Variants in URI1 observed in about 807,000 individuals in gnomAD.
URI1 encodes URI1 prefoldin like chaperone.
Under a neutral mutation model 60.2 loss-of-function variants are expected in URI1, and 39 were observed. The ratio of observed to expected loss-of-function variants is 0.65; its 90% CI spans 0.50 to 0.85. The LOEUF is 0.85. Ranked by LOEUF, URI1 falls within the 40% of genes least tolerant of loss-of-function variation. The pLI, the probability that URI1 is intolerant of heterozygous loss-of-function variation, is 0.00. For synonymous variants in URI1, 251 were observed against 236.8 expected (o/e 1.06, Z -0.55); for missense variants, 691 against 665.9 (o/e 1.04, Z -0.42).
In URI1 at chr19:29,956,979, TG is replaced by T. The variant is rs2055256751; in HGVS notation, c.118-14212del. ...ATGTCAACAGTCTGATTGCTGAGAA[TG>T]GTCTTCATTCTCACAGTAAACGCAG... is the stretch of plus-strand genomic sequence containing the variant. On this transcript the variant is annotated intron_variant, in intron 1 of 10. Coordinates refer to ENST00000392271, the MANE Select transcript of URI1 (RefSeq NM_003796.3). 8.3e-6 allele frequency: 7 copies of T among 847,616 alleles called. No homozygotes were observed. In the Admixed American group the frequency reaches 1.3e-4, roughly 16 times the overall value. 52.5% of individuals were successfully genotyped at this position (847,616 alleles called of 1,614,324 possible).
intron 4 of URI1, among the ~76,000 whole-genome samples, chr19:29,997,099 G>A (rs536669679): frequency 5.3e-4 from 81 of 152,110 alleles, no homozygotes; most frequent in Non-Finnish European, 1.0e-3. Flanking sequence ...CTCACAGAAT[G>A]TGTTCCCTCC....
chr19:29,964,278 A>T (rs1278560922), intron 1 of URI1, among the ~76,000 whole-genome samples: 2 of 151,724 alleles, frequency 1.3e-5, no homozygotes, highest in Non-Finnish European at 2.9e-5. Context: ...TAATTTTTGT[A>T]TTTATCTGTC....
chr19:29,942,324 C>CGGAGCCCGCT lies in URI1; in HGVS notation c.-222_-213dup, dbSNP rs1361927423. On this transcript the variant is annotated 5_prime_UTR_variant, in exon 1 of 11. Coordinates refer to ENST00000392271, the MANE Select transcript of URI1 (RefSeq NM_003796.3). ...GGTACCTGGCAGGCGGCCTGCTACTCGGAGCCCGCTGCGGGGCGGCGGCGG... is the reference window on the plus strand; with the variant it reads ...GGTACCTGGCAGGCGGCCTGCTACTCGGAGCCCGCTGGAGCCCGCTGCGGGGCGGCGGCGG... 1 of 985,218 alleles carries CGGAGCCCGCT rather than the reference C, an allele frequency of 1.0e-6. No homozygotes were observed. Among genetic ancestry groups the CGGAGCCCGCT allele is most frequent in the African/African-American group, 1.7e-5 (1 of 57,220 alleles). The allele number at this position is 985,218 out of a possible 1,614,324, so 61.0% of individuals were successfully genotyped here.
Position 30,015,558 on chromosome 19 carries a change from C to T in URI1, c.*489C>T, listed in dbSNP as rs1568451429. 1 of 1,535,140 alleles carries T rather than the reference C, an allele frequency of 6.5e-7. No homozygotes were observed. ...TAGGTTTTGCGGCTAGTTGGCTATTCAAGAAACCTCGCCCCTCTGAATGTC... is the reference window on the plus strand; with the variant it reads ...TAGGTTTTGCGGCTAGTTGGCTATTTAAGAAACCTCGCCCCTCTGAATGTC... On this transcript the variant is annotated 3_prime_UTR_variant, in exon 11 of 11. Coordinates refer to ENST00000392271, the MANE Select transcript of URI1 (RefSeq NM_003796.3).
chr19:29,960,189 T>C (rs2055304005), intron 1 of URI1, among the ~76,000 whole-genome samples: 1 of 152,198 alleles, frequency 6.6e-6, no homozygotes, highest in South Asian at 2.1e-4. Flanking sequence ...AGTCTTGCCT[T>C]TTGACCTAAT....
chr19:29,994,339 G>A (rs1461278221), intron 4 of URI1, among the ~76,000 whole-genome samples: 1 of 149,934 alleles, frequency 6.7e-6, no homozygotes, highest in African/African-American at 2.5e-5. Context: ...CATTCACATG[G>A]TTGGTCAGCT....
chr19:29,956,460 A>G (rs1358198609), intron 1 of URI1: 6 of 1,589,296 alleles, frequency 3.8e-6, no homozygotes, highest in Non-Finnish European at 5.1e-6. Flanking sequence ...CATAGATACC[A>G]TCCAAAAATT....
At chr19:29,997,088 G>T (rs1010064482) in intron 4 of URI1, among the ~76,000 whole-genome samples, 1 of 152,012 alleles carries the variant, frequency 6.6e-6, no homozygotes, top group Non-Finnish European at 1.5e-5. Flanking sequence ...TATCTGGCTG[G>T]CTCACAGAAT....
intron 1 of URI1, among the ~76,000 whole-genome samples, chr19:29,961,674 TG>T (rs778140019): frequency 4.6e-3 from 265 of 57,234 alleles, no homozygotes; most frequent in Admixed American, 0.012. Flanking sequence ...CTTTTTTTTT[TG>T]TTTTTTTTTT....
chr19:29,935,762 CCTTTT>C (rs3049083), intron 1 of URI1, among the ~76,000 whole-genome samples: 129,024 of 141,040 alleles, frequency 0.91, 59,025 homozygotes, highest in East Asian at 0.95. Context: ...GCCTCTGGTT[CCTTTT>C]CTTTTCTTTT....
chr19:29,996,796 AG>A (rs1325373834), intron 4 of URI1, among the ~76,000 whole-genome samples: 1 of 150,384 alleles, frequency 6.6e-6, no homozygotes, highest in African/African-American at 2.5e-5. Context: ...TAATTTATTG[AG>A]TTTTTTTTTT....
At position 30,012,261 on chromosome 19, in the gene URI1, G is replaced by A. The variant is rs781650411; in HGVS notation, c.1179-24G>A. The A allele has an allele frequency of 3.8e-6, 6 of 1,597,218 alleles. No homozygotes were observed. The South Asian group carries it at 6.7e-5, about 18-fold the overall frequency. Reference sequence around the variant, plus strand: ...GTTTTATGAGTTACGTATAGTGAATGCATATGTGTTTTGAATATCACAGAG... The same window carrying A: ...GTTTTATGAGTTACGTATAGTGAATACATATGTGTTTTGAATATCACAGAG... On this transcript the variant is annotated intron_variant, in intron 9 of 10. Transcript: ENST00000392271.
chr19:29,958,587 T>G (rs1261117083), intron 1 of URI1, among the ~76,000 whole-genome samples: 2 of 152,212 alleles, frequency 1.3e-5, no homozygotes, highest in Admixed American at 6.5e-5. Flanking sequence ...AATTTGATAA[T>G]ATTTTATTAA....
intron 1 of URI1, among the ~76,000 whole-genome samples, chr19:29,949,501 AC>A (rs1330379427): frequency 1.3e-5 from 2 of 152,196 alleles, no homozygotes; most frequent in Non-Finnish European, 2.9e-5. Context: ...CACTTCCCAG[AC>A]GGGGTGGTGG....
At chr19:30,005,847 A>ATT (rs573486758) in intron 6 of URI1, 139 bp downstream of exon 6, 16 of 710,416 alleles carry the variant, frequency 2.3e-5, no homozygotes, top group African/African-American at 3.7e-5. Flanking sequence ...CTACTCATTG[A>ATT]TTTTTTTTTA....
At chr19:30,005,575 A>G in intron 5 of URI1, 76 bp from the exon 6 acceptor site, 1 of 1,550,666 alleles carries the variant, frequency 6.4e-7, no homozygotes. Context: ...CTTAGGTTGA[A>G]TAGTTGCTCT....
chr19:30,005,414 A>G lies in URI1; in HGVS notation c.421A>G (p.Arg141Gly), dbSNP rs2055928875. ...LKKVMKNFESRVEFTEDLQKM... is the reference protein window; with the variant it reads ...LKKVMKNFESGVEFTEDLQKM... The stretch of plus-strand genomic sequence containing the variant: ...AAAAGTGATGAAAAATTTTGAATCC[A>G]GAGTTGAATTCACAGAAGATTTGCA... The change falls in exon 5 of 11, where the codon AGA (arginine) becomes GGA (glycine). Residue 141 changes from arginine to glycine, a missense_variant. By Grantham distance (125) the Arg-to-Gly change is moderately radical. Transcript: ENST00000392271. 6.2e-7 allele frequency: 1 copy of G among 1,604,452 alleles called. No homozygotes were observed. Among genetic ancestry groups the G allele is most frequent in the African/African-American group, 1.3e-5 (1 of 74,464 alleles).
At chr19:29,936,392 T>G (rs1435528744) in intron 1 of URI1, among the ~76,000 whole-genome samples, 1 of 152,008 alleles carries the variant, frequency 6.6e-6, no homozygotes, top group South Asian at 2.1e-4. Flanking sequence ...CCTGAGCCAC[T>G]GCACCCAGCC....
chr19:29,929,239 C>A (rs892907162), intron 1 of URI1, among the ~76,000 whole-genome samples: 2 of 152,034 alleles, frequency 1.3e-5, no homozygotes, highest in Non-Finnish European at 2.9e-5. Flanking sequence ...TATCTTCCCA[C>A]CAGGAATGAA....
Sources: gnomAD v4.1 joint callset for allele counts (sites outside exome capture counted in the v4.1 genomes callset) on GRCh38, gnomAD v4.1.1 for gene constraint, MANE v1.5 for transcripts, NCBI Gene and HGNC (gene_info 2026-07-23, HGNC 2026-07-21) for gene names.